Variants in PBLD observed in about 807,000 individuals in gnomAD.
The protein encoded by PBLD is phenazine biosynthesis like protein domain containing.
Under a neutral mutation model 31.3 loss-of-function variants are expected in PBLD, and 26 were observed. The observed-to-expected ratio is 0.83, with a 90% CI of 0.61 to 1.15. PBLD has a LOEUF of 1.15. Ranked by LOEUF, PBLD falls within the 50% of genes most tolerant of loss-of-function variation. The probability of loss-of-function intolerance (pLI) is 0.00; values close to 1 mark genes in which losing one functional copy is unlikely to be tolerated. For synonymous variants in PBLD, 114 were observed against 129.0 expected (o/e 0.88, Z 0.79); for missense variants, 307 against 351.7 (o/e 0.87, Z 1.02).
intron 1 of PBLD, among the ~76,000 whole-genome samples, chr10:68,317,769 G>A (rs2044754710): frequency 6.6e-6 from 1 of 152,088 alleles, no homozygotes. Context: ...CTGCACTCCA[G>A]CCTGGGCAGT....
At chr10:68,314,478 A>G (rs2044710034) in intron 1 of PBLD, among the ~76,000 whole-genome samples, 1 of 152,092 alleles carries the variant, frequency 6.6e-6, no homozygotes, top group Non-Finnish European at 1.5e-5. Context: ...TCCTGCAATC[A>G]CCTGATAGCT....
chr10:68,292,168 G>GC lies in PBLD; in HGVS notation c.353dup (p.Ile119HisfsTer17), dbSNP rs746766202. The GC allele has an allele frequency of 6.2e-7, 1 of 1,613,934 alleles. No individual in the cohort carries two copies. The highest frequency in any genetic ancestry group is 1.1e-5 in the South Asian group (1 of 91,080). On this transcript the variant is annotated frameshift_variant, in exon 5 of 10. Transcript: ENST00000358769. LOFTEE classifies it high-confidence loss of function. ...GATAAAGAGGCAAGTCCAGGACGAT[G>GC]CCATCCTCTGCTCGTCTGGCCCTTA...
At chr10:68,290,127 T>A (rs1564724979) in intron 6 of PBLD, among the ~76,000 whole-genome samples, 1 of 152,074 alleles carries the variant, frequency 6.6e-6, no homozygotes, top group East Asian at 1.9e-4. Flanking sequence ...CACCAAGTCA[T>A]CCTTTGGCAC....
chr10:68,330,709 C>CGTGTGTGTGTGTGT lies in PBLD; in HGVS notation c.-60+2061_-60+2074dup, dbSNP rs56166847. On this transcript the variant is annotated intron_variant, in intron 1 of 9. Transcript: ENST00000358769. ...TACAGGGGCCCGCCACCACGCCCGG[C>CGTGTGTGTGTGTGT]GTGTGTGTGTGTGTGTGTGTGTGTG... is the stretch of plus-strand genomic sequence containing the variant. 1.4e-3 allele frequency among the ~76,000 whole-genome samples: 200 copies of CGTGTGTGTGTGTGT among 142,902 alleles called. 2 individuals are homozygous for CGTGTGTGTGTGTGT. The highest frequency in any genetic ancestry group is 2.4e-3 in the African/African-American group (92 of 38,096). The allele number at this position is 142,902 out of a possible 152,430, so 93.7% of individuals were successfully genotyped here.
intron 1 of PBLD, among the ~76,000 whole-genome samples, chr10:68,328,503 T>C (rs78356420): frequency 3.3e-5 from 5 of 152,332 alleles, no homozygotes; most frequent in Non-Finnish European, 7.4e-5. Context: ...CATGGGTACT[T>C]CTATTTCCTT....
intron 1 of PBLD, among the ~76,000 whole-genome samples, chr10:68,313,500 C>T (rs1330459303): frequency 6.6e-6 from 1 of 152,194 alleles, no homozygotes; most frequent in Non-Finnish European, 1.5e-5. Flanking sequence ...GTCACAGAAG[C>T]TCCAAACACC....
rs1035935483 is a variant in PBLD, at chr10:68,292,360, G to A, written c.284-122C>T. The A allele has an allele frequency of 6.3e-5, 53 of 838,010 alleles. No homozygotes were observed. The African/African-American group carries it at 7.5e-4, about 12-fold the overall frequency. 51.9% of individuals were successfully genotyped at this position (838,010 alleles called of 1,614,324 possible). ...CTGTCATCCTTTTCTATGATGGAGC[G>A]AGGTTTGGGTTGCTGAGGTCTAGAA... On this transcript the variant is annotated intron_variant, in intron 4 of 9. Transcript: ENST00000358769.
intron 4 of PBLD, 68 bp downstream of exon 4, chr10:68,296,198 T>A: frequency 8.6e-7 from 1 of 1,156,116 alleles, no homozygotes; most frequent in Non-Finnish European, 1.2e-6. Context: ...AGAAAAAGTG[T>A]GTGTGAGAAC....
chr10:68,302,275 G>GTTTGCC (rs1165234450), intron 2 of PBLD, among the ~76,000 whole-genome samples: 1 of 152,194 alleles, frequency 6.6e-6, no homozygotes, highest in Non-Finnish European at 1.5e-5. Flanking sequence ...ACAGAGTGAT[G>GTTTGCC]TTTGCCTTTC....
chr10:68,314,510 T>A (rs1380587670), intron 1 of PBLD, among the ~76,000 whole-genome samples: 1 of 152,162 alleles, frequency 6.6e-6, no homozygotes, highest in Non-Finnish European at 1.5e-5. Flanking sequence ...CAGGATGTGG[T>A]TGAAGTCTCT....
At chr10:68,298,447 C>T (rs1367439659) in intron 2 of PBLD, among the ~76,000 whole-genome samples, 1 of 151,966 alleles carries the variant, frequency 6.6e-6, no homozygotes, top group Admixed American at 6.6e-5. Context: ...TGCAACATAG[C>T]GAGAACCTGA....
intron 1 of PBLD, among the ~76,000 whole-genome samples, chr10:68,328,303 A>G (rs949094478): frequency 2.0e-5 from 3 of 152,218 alleles, no homozygotes; most frequent in African/African-American, 4.8e-5. Context: ...GTACTTCACA[A>G]TGCCACTGGG....
intron 1 of PBLD, among the ~76,000 whole-genome samples, chr10:68,317,244 T>C (rs2044748160): frequency 6.6e-6 from 1 of 152,180 alleles, no homozygotes; most frequent in Admixed American, 6.5e-5. Flanking sequence ...ATTAAGATAC[T>C]TCCAGATAAA....
At chr10:68,331,560 G>C (rs546961176) in intron 1 of PBLD, 1 of 152,382 alleles carries the variant, frequency 6.6e-6, no homozygotes, top group South Asian at 2.1e-4. Flanking sequence ...TTTCATCTTC[G>C]CGGCCCAGAA....
chr10:68,309,681 G>T, intron 1 of PBLD, among the ~76,000 whole-genome samples: 1 of 148,820 alleles, frequency 6.7e-6, no homozygotes, highest in East Asian at 2.1e-4. Context: ...GGTGGCACAT[G>T]CCTGTAATCC....
In PBLD at chr10:68,296,337, G is replaced by A. The variant is rs766569426; in HGVS notation, c.212C>T (p.Thr71Ile). ...QSSCFGLRWF[T>I]PASEVPLCGH... ...ACAGAGTGGGACCTCACTCGCTGGT[G>A]TAAACCATCTCAGTCCAAAGCAGGA... Residue 71 changes from threonine (T) to isoleucine (I), a missense_variant, in exon 4 of 10, where the codon ACA becomes ATA. Coordinates refer to ENST00000358769, the MANE Select transcript of PBLD (RefSeq NM_022129.4). The A allele has an allele frequency of 3.1e-6, 5 of 1,614,004 alleles. No individual in the cohort carries two copies. The highest frequency in any genetic ancestry group is 3.4e-6 in the Non-Finnish European group (4 of 1,179,912).
At chr10:68,287,932 C>T (rs2044309153) in intron 8 of PBLD, 1 of 152,542 alleles carries the variant, frequency 6.6e-6, no homozygotes, top group East Asian at 1.9e-4. Context: ...TGGCAGACGC[C>T]TGTAGTTCCA....
At chr10:68,285,616 A>C (rs2044277026) in intron 8 of PBLD, among the ~76,000 whole-genome samples, 1 of 152,076 alleles carries the variant, frequency 6.6e-6, no homozygotes, top group Non-Finnish European at 1.5e-5. Flanking sequence ...ACTCGGCCAA[A>C]TTATGTATCA....
intron 2 of PBLD, among the ~76,000 whole-genome samples, chr10:68,305,818 G>A (rs1389260132): frequency 1.3e-5 from 2 of 152,060 alleles, no homozygotes; most frequent in Non-Finnish European, 2.9e-5. Context: ...TGTTGTAATT[G>A]CTCTAGAAGA....
Sources: gnomAD v4.1 joint callset for allele counts (sites outside exome capture counted in the v4.1 genomes callset) on GRCh38, gnomAD v4.1.1 for gene constraint, MANE v1.5 for transcripts, NCBI Gene and HGNC (gene_info 2026-07-23, HGNC 2026-07-21) for gene names.